The following PTPRD variants were observed in gnomAD, a reference collection of about 807,000 sequenced individuals.
PTPRD encodes the protein receptor-type tyrosine-protein phosphatase delta.
PTPRD carries 34 observed loss-of-function variants against 214.5 expected under a neutral mutation model. That is an observed-to-expected ratio of 0.16 (90% CI 0.12 to 0.21). The LOEUF is 0.21. PTPRD is among the 10% of genes least tolerant of loss of function. The pLI is 1.00. For missense variants in PTPRD, 2,545 were observed against 2,398.7 expected, an observed-to-expected ratio of 1.06 and a Z score of -1.27; for synonymous variants, 1,128 against 845.7, an observed-to-expected ratio of 1.33 and a Z score of -5.79.
At chr9:9,478,614 C>A (rs2095235514) in intron 8 of PTPRD, among the ~76,000 whole-genome samples, 1 of 152,130 alleles carries the variant, frequency 6.6e-6, no homozygotes, top group Non-Finnish European at 1.5e-5. Flanking sequence ...TCCTGCATCC[C>A]CCTCTCTCTC....
chr9:10,560,707 G>A (rs933105826), intron 2 of PTPRD, among the ~76,000 whole-genome samples: 22 of 152,088 alleles, frequency 1.4e-4, no homozygotes, highest in African/African-American at 5.1e-4. Context: ...TGCATAAAGT[G>A]CTGTACCAGT....
intron 12 of PTPRD, among the ~76,000 whole-genome samples, chr9:8,642,424 G>A (rs1013493652): frequency 6.6e-6 from 1 of 152,186 alleles, no homozygotes; most frequent in African/African-American, 2.4e-5. Context: ...AGGGGAAGGT[G>A]AATATTGCTG....
At chr9:10,270,014 G>C (rs902085724) in intron 3 of PTPRD, among the ~76,000 whole-genome samples, 2 of 152,014 alleles carry the variant, frequency 1.3e-5, no homozygotes, top group Non-Finnish European at 2.9e-5. Flanking sequence ...GGAAATACAT[G>C]TTACAATGGC....
intron 2 of PTPRD, among the ~76,000 whole-genome samples, chr9:10,378,264 T>A (rs1053582398): frequency 1.3e-5 from 2 of 152,006 alleles, no homozygotes; most frequent in African/African-American, 4.8e-5. Flanking sequence ...TTCTGTGGGT[T>A]GTCTCTTTAC....
chr9:10,168,603 C>A (rs2099174907), intron 3 of PTPRD, among the ~76,000 whole-genome samples: 1 of 152,098 alleles, frequency 6.6e-6, no homozygotes. Context: ...TGTATCTTCC[C>A]ATATTTAAAA....
intron 11 of PTPRD, among the ~76,000 whole-genome samples, chr9:8,892,084 A>C (rs1343120284): frequency 6.6e-6 from 1 of 152,084 alleles, no homozygotes; most frequent in East Asian, 1.9e-4. Context: ...AGATGAAAGG[A>C]AAGAAACAGA....
At chr9:9,640,472 C>A (rs1380700393) in intron 7 of PTPRD, among the ~76,000 whole-genome samples, 1 of 152,316 alleles carries the variant, frequency 6.6e-6, no homozygotes, top group African/African-American at 2.4e-5. Context: ...CTGCACTTTT[C>A]ATTTAGTTGA....
intron 8 of PTPRD, among the ~76,000 whole-genome samples, chr9:9,428,109 C>T (rs551102555): frequency 1.4e-4 from 22 of 152,240 alleles, no homozygotes; most frequent in East Asian, 5.8e-4. Context: ...TTAAAAAACA[C>T]AGACTGGCAA....
intron 5 of PTPRD, among the ~76,000 whole-genome samples, chr9:9,891,310 T>A (rs2073241446): frequency 6.6e-6 from 1 of 151,328 alleles, no homozygotes; most frequent in African/African-American, 2.4e-5. Context: ...TTGTTCCAAA[T>A]AATTAAAGAA....
At chr9:9,834,299 G>A (rs1413218580) in intron 5 of PTPRD, among the ~76,000 whole-genome samples, 3 of 152,050 alleles carry the variant, frequency 2.0e-5, no homozygotes, top group Non-Finnish European at 2.9e-5. Flanking sequence ...TATGTAGTGT[G>A]GAAATTTATC....
intron 2 of PTPRD, among the ~76,000 whole-genome samples, chr9:10,425,317 C>G (rs1197351068): frequency 1.3e-5 from 2 of 151,962 alleles, no homozygotes; most frequent in Non-Finnish European, 2.9e-5. Flanking sequence ...GTTGCACATA[C>G]TTTACAACAC....
intron 3 of PTPRD, among the ~76,000 whole-genome samples, chr9:10,081,386 T>C (rs2098234252): frequency 6.6e-6 from 1 of 152,018 alleles, no homozygotes; most frequent in Admixed American, 6.6e-5. Flanking sequence ...CCTCCAATTT[T>C]GTATGTTGAT....
intron 9 of PTPRD, among the ~76,000 whole-genome samples, chr9:9,197,291 G>A (rs948592678): frequency 2.0e-5 from 3 of 152,066 alleles, no homozygotes; most frequent in Non-Finnish European, 4.4e-5. Context: ...AGTCCCCATA[G>A]TTCCCCGATG....
chr9:9,117,692 G>A (rs755777349), intron 10 of PTPRD, among the ~76,000 whole-genome samples: 1 of 151,982 alleles, frequency 6.6e-6, no homozygotes, highest in Non-Finnish European at 1.5e-5. Flanking sequence ...GTCTTTCCTA[G>A]AATAAACTGA....
At chr9:8,505,404 T>C (rs1461405652) in intron 22 of PTPRD, among the ~76,000 whole-genome samples, 3 of 151,806 alleles carry the variant, frequency 2.0e-5, no homozygotes. Flanking sequence ...GGGCGGAACA[T>C]GAGGTCAGGA....
intron 11 of PTPRD, among the ~76,000 whole-genome samples, chr9:9,011,780 T>C (rs1345544217): frequency 2.0e-5 from 3 of 152,138 alleles, no homozygotes; most frequent in Admixed American, 2.0e-4. Flanking sequence ...AGTTCAAAGT[T>C]AGGATTTCAG....
chr9:8,974,166 T>C (rs2099255173), intron 11 of PTPRD, among the ~76,000 whole-genome samples: 1 of 152,128 alleles, frequency 6.6e-6, no homozygotes, highest in Non-Finnish European at 1.5e-5. Flanking sequence ...TCCTTTAGGA[T>C]TTTTATAGTT....
chr9:10,027,031 T>C (rs1567170553), intron 4 of PTPRD, among the ~76,000 whole-genome samples: 2 of 152,156 alleles, frequency 1.3e-5, no homozygotes, highest in Admixed American at 6.5e-5. Flanking sequence ...AGCATTTCTC[T>C]AGAGACTTGG....
At chr9:8,342,849 CAAGA>C (rs1435940637) in intron 39 of PTPRD, among the ~76,000 whole-genome samples, 4 of 151,920 alleles carry the variant, frequency 2.6e-5, no homozygotes, top group African/African-American at 9.7e-5. Context: ...TATTTCTAAA[CAAGA>C]AAGAAAAAGG....
Sources: allele counts gnomAD v4.1 joint callset (sites outside exome capture counted in the v4.1 genomes callset), GRCh38; gene constraint gnomAD v4.1.1; transcripts MANE v1.5; gene names NCBI Gene and HGNC (gene_info 2026-07-23, HGNC 2026-07-21).